Variants in KIF5C observed in about 807,000 individuals in gnomAD.
The protein encoded by KIF5C is kinesin heavy chain isoform 5C.
KIF5C carries 18 observed loss-of-function variants against 125.2 expected under a neutral mutation model. That is an observed-to-expected ratio of 0.14 (90% CI 0.10 to 0.21). The LOEUF is 0.21. KIF5C is among the 10% of genes least tolerant of loss of function. The pLI is 1.00. For missense variants in KIF5C, 780 were observed against 1,183.8 expected (o/e 0.66, Z 5.01); for synonymous variants, 405 against 434.0 (o/e 0.93, Z 0.83).
chr2:148,966,216 CTTGTCAA>C (rs1469761270), intron 11 of KIF5C, among the ~76,000 whole-genome samples: 1 of 152,146 alleles, frequency 6.6e-6, no homozygotes, highest in East Asian at 1.9e-4. Flanking sequence ...TTAAAGAGGC[CTTGTCAA>C]TTGTGTGCAG....
At chr2:148,956,250 A>AC (rs5835291) in intron 10 of KIF5C, among the ~76,000 whole-genome samples, 21,052 of 152,192 alleles carry the variant, frequency 0.14, 2,214 homozygotes, top group African/African-American at 0.29. Context: ...GTGCTTCTGA[A>AC]ATGTAAACTG....
At chr2:148,895,427 CG>C (rs1424570542) in intron 1 of KIF5C, among the ~76,000 whole-genome samples, 6 of 152,114 alleles carry the variant, frequency 3.9e-5, no homozygotes, top group Non-Finnish European at 8.8e-5. Flanking sequence ...TGTGAGCCAC[CG>C]CACTTGGCCC....
intron 1 of KIF5C, chr2:148,885,882 C>G (rs1243557010): frequency 1.3e-5 from 2 of 152,190 alleles, no homozygotes. Context: ...TGTATTGACA[C>G]ATGGTGGGAC....
intron 1 of KIF5C, among the ~76,000 whole-genome samples, chr2:148,888,062 G>A (rs1681597367): frequency 6.6e-6 from 1 of 152,216 alleles, no homozygotes; most frequent in Non-Finnish European, 1.5e-5. Context: ...AGATGCGTTC[G>A]TAGTGGGTGA....
chr2:148,927,204 G>A (rs2105089249), intron 2 of KIF5C, among the ~76,000 whole-genome samples: 1 of 152,320 alleles, frequency 6.6e-6, no homozygotes, highest in Middle Eastern at 3.4e-3. Context: ...CTTCTGTTTA[G>A]TGATGGACCC....
intron 7 of KIF5C, among the ~76,000 whole-genome samples, chr2:148,946,381 CCTT>C (rs1318906279): frequency 1.3e-5 from 2 of 152,140 alleles, no homozygotes; most frequent in Admixed American, 6.5e-5. Flanking sequence ...ATTTTTGAAA[CCTT>C]CTTTGCTGTT....
rs1228482180 is a variant in KIF5C, at chr2:149,000,785, A to G, written c.2373+3A>G. ...TCAAAGGGCTGGAGGAGACAGTGGT[A>G]TGTCAAGATATTTCCCGATTTATGT... On this transcript the variant is annotated splice_donor_region_variant and intron_variant, in intron 21 of 25. Transcript: ENST00000435030. The G allele has an allele frequency of 3.1e-6, 5 of 1,613,126 alleles. No individual in the cohort carries two copies. The South Asian group carries it at 4.4e-5, about 14-fold the overall frequency.
At chr2:149,015,012 A>G (rs1682320644) in intron 25 of KIF5C, among the ~76,000 whole-genome samples, 1 of 152,100 alleles carries the variant, frequency 6.6e-6, no homozygotes, top group East Asian at 1.9e-4. Flanking sequence ...ACATGGTGAA[A>G]CATCCTTCCC....
rs568892025 is a variant in KIF5C, at chr2:148,983,537, A to G, written c.1570-83A>G. The G allele has an allele frequency of 3.8e-5, 54 of 1,427,638 alleles. No individual in the cohort carries two copies. The African/African-American group carries it at 7.4e-4, about 19-fold the overall frequency. The allele number at this position is 1,427,638 out of a possible 1,614,324, so 88.4% of individuals were successfully genotyped here. A position where few individuals can be genotyped will look rare whatever the true frequency, so the allele number is the denominator to read the frequency against. ...GTCATGTAAAAGAAATCCATTCTAC[A>G]TGATGGTGTTATTCTTTGTAATGTG... is the stretch of plus-strand genomic sequence containing the variant. On this transcript the variant is annotated intron_variant, in intron 14 of 25. Coordinates refer to ENST00000435030, the MANE Select transcript of KIF5C (RefSeq NM_004522.3).
chr2:148,992,554 A>C (rs1681555276), intron 16 of KIF5C, among the ~76,000 whole-genome samples: 1 of 152,252 alleles, frequency 6.6e-6, no homozygotes, highest in Non-Finnish European at 1.5e-5. Flanking sequence ...AATAAGATAA[A>C]GTTACATGGA....
Position 148,876,788 on chromosome 2 carries a change from T to C in KIF5C, c.126+1045T>C, listed in dbSNP as rs988519639. Among the ~76,000 whole-genome samples, 2 of 152,044 alleles carry C rather than the reference T, an allele frequency of 1.3e-5. No individual in the cohort carries two copies. The highest frequency in any genetic ancestry group is 4.8e-5 in the African/African-American group (2 of 41,412). On this transcript the variant is annotated intron_variant, in intron 1 of 25. Transcript: ENST00000435030. The surrounding 1 kb of genome is among the most constrained non-coding windows in gnomAD (Gnocchi z 4.7). The stretch of plus-strand genomic sequence containing the variant: ...GCGTGTGTGGCTGATGGTGCCCCCT[T>C]TGTATGCGAGCCGCGTGGGGAGGGA...
At chr2:149,002,491 ACT>A (rs1681880191) in intron 21 of KIF5C, among the ~76,000 whole-genome samples, 1 of 151,820 alleles carries the variant, frequency 6.6e-6, no homozygotes, top group African/African-American at 2.4e-5. Context: ...TACAACACAC[ACT>A]CTTGCTCACA....
intron 14 of KIF5C, among the ~76,000 whole-genome samples, chr2:148,982,447 G>A (rs1012519660): frequency 5.9e-5 from 9 of 152,324 alleles, no homozygotes; most frequent in African/African-American, 2.2e-4. Flanking sequence ...AGCCTGCTTT[G>A]TGGAAAGCAT....
intron 10 of KIF5C, 128 bp downstream of exon 10, chr2:148,950,590 C>A (rs1276233678): frequency 1.5e-6 from 2 of 1,328,894 alleles, no homozygotes; most frequent in Non-Finnish European, 2.0e-6. Flanking sequence ...GGGTGGATTG[C>A]CTGAGGTCAG....
In KIF5C at chr2:148,875,582, A is replaced by AC; in HGVS notation, c.-33dup. On this transcript the variant is annotated 5_prime_UTR_variant, in exon 1 of 26. Transcript: ENST00000435030. ...TCGTCGTTCCCGGCCCCGGCCCCCCACCCATCCCCGTGCCCCCTCCCTACC... is the reference window on the plus strand; with the variant it reads ...TCGTCGTTCCCGGCCCCGGCCCCCCACCCCATCCCCGTGCCCCCTCCCTACC... The AC allele has an allele frequency of 2.5e-5, 7 of 277,666 alleles. No homozygotes were observed. Among genetic ancestry groups the AC allele is most frequent in the Admixed American group, 1.0e-4 (2 of 19,098 alleles). The allele number at this position is 277,666 out of a possible 1,614,324, so 17.2% of individuals were successfully genotyped here.
chr2:149,011,496 C>T lies in KIF5C; in HGVS notation c.2768-74C>T, dbSNP rs1037936202. 2.1e-5 allele frequency: 33 copies of T among 1,576,492 alleles called. No individual in the cohort carries two copies. In the Admixed American group the frequency reaches 4.2e-4, roughly 20 times the overall value. ...TGTGACTTTTAGTTGTCACAGGTGA[C>T]CTGTAGATATCAGGGTTGCTGTTAA... is the stretch of plus-strand genomic sequence containing the variant. On this transcript the variant is annotated intron_variant, in intron 24 of 25. Transcript: ENST00000435030.
intron 1 of KIF5C, among the ~76,000 whole-genome samples, chr2:148,881,148 C>T (rs1412789588): frequency 4.6e-5 from 7 of 151,998 alleles, no homozygotes; most frequent in Non-Finnish European, 1.0e-4. Flanking sequence ...CCTTGGTGAC[C>T]TTCCTCATGT....
chr2:148,930,959 TTG>T (rs1682169552), intron 3 of KIF5C, among the ~76,000 whole-genome samples: 1 of 152,142 alleles, frequency 6.6e-6, no homozygotes, highest in Admixed American at 6.5e-5. Flanking sequence ...ACTCTTGACC[TTG>T]AGACTATAGA....
chr2:148,906,125 C>T (rs1410206686), intron 1 of KIF5C, among the ~76,000 whole-genome samples: 1 of 152,030 alleles, frequency 6.6e-6, no homozygotes, highest in Admixed American at 6.5e-5. Context: ...AGTGAGACTC[C>T]CTTGGGGCCA....
Sources: allele counts gnomAD v4.1 joint callset (sites outside exome capture counted in the v4.1 genomes callset), GRCh38; gene constraint gnomAD v4.1.1; non-coding constraint Gnocchi (gnomAD v3.1); transcripts MANE v1.5; gene names NCBI Gene and HGNC (gene_info 2026-07-23, HGNC 2026-07-21).